The following NFYB variants were observed in gnomAD, a reference collection of about 807,000 sequenced individuals.
NFYB encodes CAAT box DNA-binding protein subunit B.
Under a neutral mutation model 28.0 loss-of-function variants are expected in NFYB, and 13 were observed. The ratio of observed to expected loss-of-function variants is 0.46; its 90% CI spans 0.30 to 0.74. NFYB has a LOEUF of 0.74. NFYB is among the 30% of genes least tolerant of loss of function. The pLI, the probability that NFYB is intolerant of heterozygous loss-of-function variation, is 0.07. For missense variants in NFYB, 142 were observed against 247.6 expected, an observed-to-expected ratio of 0.57 and a Z score of 2.86; for synonymous variants, 74 against 75.0, an observed-to-expected ratio of 0.99 and a Z score of 0.07.
In NFYB at chr12:104,118,473, A is replaced by C. The variant is rs1192402507; in HGVS notation, c.*1264T>G. The C allele has an allele frequency of 6.6e-6, 1 of 152,612 alleles. No homozygotes were observed. The highest frequency in any genetic ancestry group is 1.5e-5 in the Non-Finnish European group (1 of 68,020). 9.5% of individuals were successfully genotyped at this position (152,612 alleles called of 1,614,324 possible). A position where few individuals can be genotyped will look rare whatever the true frequency, so the allele number is the denominator to read the frequency against. On this transcript the variant is annotated 3_prime_UTR_variant, in exon 8 of 8. Transcript: ENST00000240055. Reference sequence around the variant, plus strand: ...TTATAAATTTGAGTGTCCTTCAAAGATGATATTCACTCCAACTTCCTTTTA... The same window carrying C: ...TTATAAATTTGAGTGTCCTTCAAAGCTGATATTCACTCCAACTTCCTTTTA...
intron 1 of NFYB, among the ~76,000 whole-genome samples, chr12:104,136,463 C>T (rs1044060937): frequency 6.6e-6 from 1 of 152,150 alleles, no homozygotes; most frequent in East Asian, 1.9e-4. Flanking sequence ...AACTGCTTGA[C>T]GTTTGCTATA....
At chr12:104,122,589 T>C (rs1293779157) in intron 5 of NFYB, among the ~76,000 whole-genome samples, 1 of 152,168 alleles carries the variant, frequency 6.6e-6, no homozygotes, top group Non-Finnish European at 1.5e-5. Context: ...GAACTGCGCA[T>C]GCAAGGGATC....
rs2030424885 is a variant in NFYB at position 104,120,403 on chromosome 12, T to C, written c.588A>G (p.Gln196=). 6.2e-7 allele frequency: 1 copy of C among 1,611,832 alleles called. No homozygotes were observed. Among genetic ancestry groups the C allele is most frequent in the African/African-American group, 1.3e-5 (1 of 74,868 alleles). Residue 196 remains glutamine (Q), a synonymous_variant, in exon 7 of 8, where the codon CAA becomes CAG. Transcript: ENST00000240055. ...QNVMVYTTSY[Q]QISGVQQIQF... is the part of the protein sequence containing the mutation. ...TTTAAAATACAAAGGACTGTACCTG[T>C]TGATATGATGTTGTGTAAACCATAA... is the stretch of plus-strand genomic sequence containing the variant.
At chr12:104,137,121 C>T (rs2031130231) in intron 1 of NFYB, among the ~76,000 whole-genome samples, 1 of 152,152 alleles carries the variant, frequency 6.6e-6, no homozygotes, top group Admixed American at 6.5e-5. Context: ...TGAAACCACC[C>T]CAGTGATTTG....
At position 104,121,323 on chromosome 12, in the gene NFYB, T is replaced by C. The variant is rs1565822612; in HGVS notation, c.430-2A>G. ...AATTCCCTTTTCTCCTTTCATAGCCTGAGGAAGGAAAAAAAAAAAGTCACT... is the reference window on the plus strand; with the variant it reads ...AATTCCCTTTTCTCCTTTCATAGCCCGAGGAAGGAAAAAAAAAAAGTCACT... On this transcript the variant is annotated splice_acceptor_variant, in intron 5 of 7. Coordinates refer to ENST00000240055, the MANE Select transcript of NFYB (RefSeq NM_006166.4). LOFTEE classifies it high-confidence loss of function. The C allele has an allele frequency of 6.2e-7, 1 of 1,603,686 alleles. No individual in the cohort carries two copies. The highest frequency in any genetic ancestry group is 1.3e-5 in the African/African-American group (1 of 74,186).
At position 104,120,439 on chromosome 12, in the gene NFYB, T is replaced by C; in HGVS notation, c.552A>G (p.Gln184=). Residue 184 remains glutamine, a synonymous_variant, in exon 7 of 8, where the codon CAA becomes CAG. Coordinates refer to ENST00000240055, the MANE Select transcript of NFYB (RefSeq NM_006166.4). ...LPAGLITTDG[Q]QQNVMVYTTS... is the part of the protein sequence containing the mutation. ...TTGTGTAAACCATAACATTTTGTTG[T>C]TGACCGTCTGTGGTTATTAAGCCAG... is the stretch of plus-strand genomic sequence containing the variant. 6.2e-7 allele frequency: 1 copy of C among 1,613,994 alleles called. No homozygotes were observed. Among genetic ancestry groups the C allele is most frequent in the Non-Finnish European group, 8.5e-7 (1 of 1,179,998 alleles).
At chr12:104,121,117 T>G in intron 6 of NFYB, 123 bp downstream of exon 6, 1 of 770,838 alleles carries the variant, frequency 1.3e-6, no homozygotes, top group South Asian at 1.7e-5. Context: ...CATGAACTGA[T>G]AAGAACTATT....
Position 104,125,978 on chromosome 12 carries a change from A to G in NFYB, c.231+136T>C, listed in dbSNP as rs2030695491. 6 of 878,396 alleles carry G rather than the reference A, an allele frequency of 6.8e-6. No homozygotes were observed. The South Asian group carries it at 1.4e-4, about 21-fold the overall frequency. 54.4% of individuals were successfully genotyped at this position (878,396 alleles called of 1,614,324 possible). A position where few individuals can be genotyped will look rare whatever the true frequency, so the allele number is the denominator to read the frequency against. On this transcript the variant is annotated intron_variant, in intron 4 of 7. Coordinates refer to ENST00000240055, the MANE Select transcript of NFYB (RefSeq NM_006166.4). The stretch of plus-strand genomic sequence containing the variant: ...GACACTGTTCAGTAACTGTGTATGT[A>G]GACATGAAAGAAATATTTGATTTGC...
Position 104,118,456 on chromosome 12 carries a change from T to C in NFYB, c.*1281A>G, listed in dbSNP as rs2030344284. 1 of 152,604 alleles carries C rather than the reference T, an allele frequency of 6.6e-6. No individual in the cohort carries two copies. The highest frequency in any genetic ancestry group is 2.1e-4 in the South Asian group (1 of 4,836). 9.5% of individuals were successfully genotyped at this position (152,604 alleles called of 1,614,324 possible). A position where few individuals can be genotyped will look rare whatever the true frequency, so the allele number is the denominator to read the frequency against. ...GGGAAATTGCTTCTACCTTATAAAT[T>C]TGAGTGTCCTTCAAAGATGATATTC... On this transcript the variant is annotated 3_prime_UTR_variant, in exon 8 of 8. Transcript: ENST00000240055.
intron 1 of NFYB, among the ~76,000 whole-genome samples, chr12:104,136,167 C>G (rs965202598): frequency 6.6e-6 from 1 of 152,122 alleles, no homozygotes; most frequent in Non-Finnish European, 1.5e-5. Flanking sequence ...AAAATTGCAT[C>G]GAAATAGCAC....
At chr12:104,132,785 C>T (rs2030971964) in intron 2 of NFYB, among the ~76,000 whole-genome samples, 1 of 152,108 alleles carries the variant, frequency 6.6e-6, no homozygotes, top group Non-Finnish European at 1.5e-5. Context: ...GCCAGTATGT[C>T]CAGTGTGACA....
Position 104,119,700 on chromosome 12 carries a change from C to T in NFYB, c.*37G>A. The T allele has an allele frequency of 6.6e-7, 1 of 1,519,372 alleles. No homozygotes were observed. Among genetic ancestry groups the T allele is most frequent in the Non-Finnish European group, 9.1e-7 (1 of 1,097,862 alleles). The allele number at this position is 1,519,372 out of a possible 1,614,324, so 94.1% of individuals were successfully genotyped here. Reference sequence around the variant, plus strand: ...TCTGTTCCAGAATCATACAGACTCTCATTTCTCTACACTCCCCATTCCATC... The same window carrying T: ...TCTGTTCCAGAATCATACAGACTCTTATTTCTCTACACTCCCCATTCCATC... On this transcript the variant is annotated 3_prime_UTR_variant, in exon 8 of 8. Coordinates refer to ENST00000240055, the MANE Select transcript of NFYB (RefSeq NM_006166.4).
intron 2 of NFYB, among the ~76,000 whole-genome samples, chr12:104,132,389 G>C (rs2030956570): frequency 6.6e-6 from 1 of 151,132 alleles, no homozygotes; most frequent in African/African-American, 2.4e-5. Context: ...TTAAGCAGAA[G>C]AGCACAAATC....
At chr12:104,137,842 C>CG (rs2031173011) in intron 1 of NFYB, 1 of 147,026 alleles carries the variant, frequency 6.8e-6, no homozygotes, top group Admixed American at 6.7e-5. Context: ...TCCTCGGCCC[C>CG]GGGCCCGGAG....
Position 104,119,306 on chromosome 12 carries a change from G to A in NFYB, c.*431C>T, listed in dbSNP as rs957319858. The A allele has an allele frequency of 1.3e-5, 2 of 152,616 alleles. No individual in the cohort carries two copies. The highest frequency in any genetic ancestry group is 4.8e-5 in the African/African-American group (2 of 41,412). 9.5% of individuals were successfully genotyped at this position (152,616 alleles called of 1,614,324 possible). A position where few individuals can be genotyped will look rare whatever the true frequency, so the allele number is the denominator to read the frequency against. Reference sequence around the variant, plus strand: ...AGACAAACTCAAATTTATAATAAAGGCAACTTGCATTCAAAATGAACTCTA... The same window carrying A: ...AGACAAACTCAAATTTATAATAAAGACAACTTGCATTCAAAATGAACTCTA... On this transcript the variant is annotated 3_prime_UTR_variant, in exon 8 of 8. Coordinates refer to ENST00000240055, the MANE Select transcript of NFYB (RefSeq NM_006166.4).
intron 3 of NFYB, 53 bp downstream of exon 3, chr12:104,128,371 A>G (rs2030798614): frequency 7.7e-7 from 1 of 1,304,598 alleles, no homozygotes; most frequent in Non-Finnish European, 1.1e-6. Context: ...TGAAATGTCC[A>G]CTTTCTAACT....
chr12:104,126,082 A>G, intron 4 of NFYB, 32 bp downstream of exon 4: 1 of 1,538,996 alleles, frequency 6.5e-7, no homozygotes, highest in Non-Finnish European at 8.7e-7. Flanking sequence ...TTTCCCTTGA[A>G]AAAACCTAGT....
At position 104,126,208 on chromosome 12, in the gene NFYB, T is replaced by C; in HGVS notation, c.137A>G (p.Asn46Ser). The C allele has an allele frequency of 6.2e-7, 1 of 1,604,562 alleles. No individual in the cohort carries two copies. Among genetic ancestry groups the C allele is most frequent in the Non-Finnish European group, 8.5e-7 (1 of 1,175,848 alleles). The change falls in exon 4 of 8, where the codon AAT becomes AGT. Residue 46 changes from asparagine to serine, a missense_variant. By Grantham distance (46) the Asn-to-Ser change is conservative. This residue lies in a region of NFYB where 54 missense variants were observed against 58.1 expected (regional missense o/e 0.93). Coordinates refer to ENST00000240055, the MANE Select transcript of NFYB (RefSeq NM_006166.4). Reference sequence around the variant, plus strand: ...TTCTCTGAAACTTTCTTTTGAACCATTTGTGTCTTCATGATCATTCATGCT... The same window carrying C: ...TTCTCTGAAACTTTCTTTTGAACCACTTGTGTCTTCATGATCATTCATGCT... ...EDSMNDHEDT[N>S]GSKESFREQD...
intron 2 of NFYB, among the ~76,000 whole-genome samples, chr12:104,134,793 CT>C (rs1210805828): frequency 2.6e-5 from 4 of 152,170 alleles, no homozygotes; most frequent in Non-Finnish European, 1.5e-5. Context: ...ACTGAGTGCA[CT>C]TCTTTCATTT....
Sources: allele counts gnomAD v4.1 joint callset (sites outside exome capture counted in the v4.1 genomes callset), GRCh38; gene constraint gnomAD v4.1.1; regional missense constraint gnomAD v4.1.1; transcripts MANE v1.5; gene names NCBI Gene and HGNC (gene_info 2026-07-23, HGNC 2026-07-21).